The following BNC2 variants were observed in gnomAD, a reference collection of about 807,000 sequenced individuals.
BNC2 encodes the protein zinc finger protein basonuclin-2.
Under a neutral mutation model 76.3 loss-of-function variants are expected in BNC2, and 20 were observed. The ratio of observed to expected loss-of-function variants is 0.26; its 90% CI spans 0.18 to 0.38. BNC2 has a LOEUF of 0.38. BNC2 is among the 10% of genes least tolerant of loss of function. The pLI, the probability that BNC2 is intolerant of heterozygous loss-of-function variation, is 1.00. For missense variants in BNC2, 1,382 were observed against 1,399.8 expected, an observed-to-expected ratio of 0.99 and a Z score of 0.20; for synonymous variants, 582 against 514.8, an observed-to-expected ratio of 1.13 and a Z score of -1.77.
intron 3 of BNC2, among the ~76,000 whole-genome samples, chr9:16,583,991 T>C (rs7866527): frequency 0.031 from 4,669 of 152,322 alleles, 257 homozygotes; most frequent in African/African-American, 0.11. Flanking sequence ...TGTTTAAGAA[T>C]AGTGCTAAAG....
At chr9:16,854,189 A>T (rs550478537) in intron 1 of BNC2, among the ~76,000 whole-genome samples, 2 of 152,336 alleles carry the variant, frequency 1.3e-5, no homozygotes, top group South Asian at 2.1e-4. Context: ...GGAAGGAAAG[A>T]TTGAAAGGTA....
chr9:16,757,808 TAA>T (rs1166505941), intron 1 of BNC2, among the ~76,000 whole-genome samples: 1 of 152,140 alleles, frequency 6.6e-6, no homozygotes, highest in African/African-American at 2.4e-5. Flanking sequence ...TCCATTATAA[TAA>T]AGTCTTATAA....
At position 16,765,622 on chromosome 9, in the gene BNC2, C is replaced by A. The variant is rs553839089; in HGVS notation, c.4-27137G>T. ...TCCCCTCCAAAGCTAAATTTTAAAA[C>A]CAACCCCAAACTCTTTTGGTAAAAG... On this transcript the variant is annotated intron_variant, in intron 1 of 6. Transcript: ENST00000380672. Among the ~76,000 whole-genome samples the A allele has an allele frequency of 5.3e-5, 8 of 152,178 alleles. No individual in the cohort carries two copies. The South Asian group carries it at 1.7e-3, about 32-fold the overall frequency.
intron 5 of BNC2, among the ~76,000 whole-genome samples, chr9:16,488,256 C>A (rs750562229): frequency 6.6e-6 from 1 of 152,058 alleles, no homozygotes; most frequent in Admixed American, 6.6e-5. Flanking sequence ...TCTTGATATT[C>A]CAAATAACAT....
At chr9:16,666,338 G>A (rs141066353) in intron 3 of BNC2, among the ~76,000 whole-genome samples, 49 of 152,176 alleles carry the variant, frequency 3.2e-4, no homozygotes, top group African/African-American at 1.1e-3. Flanking sequence ...TGCTATGTCC[G>A]CTGCAAATGT....
chr9:16,493,904 G>T (rs1307267427), intron 5 of BNC2, among the ~76,000 whole-genome samples: 1 of 152,162 alleles, frequency 6.6e-6, no homozygotes, highest in Admixed American at 6.5e-5. Flanking sequence ...AGATGGAAAA[G>T]ATGTGGGCAT....
intron 3 of BNC2, among the ~76,000 whole-genome samples, chr9:16,695,861 A>AGAAG (rs1277126296): frequency 1.3e-5 from 1 of 79,988 alleles, no homozygotes; most frequent in Non-Finnish European, 4.3e-5. Flanking sequence ...CTCGAGCTAA[A>AGAAG]CAAGCAAATA....
At chr9:16,730,709 C>T (rs1288682062) in intron 2 of BNC2, among the ~76,000 whole-genome samples, 1 of 152,092 alleles carries the variant, frequency 6.6e-6, no homozygotes, top group Non-Finnish European at 1.5e-5. Flanking sequence ...CTGGCTGAAA[C>T]ACGTCTGCAA....
chr9:16,632,965 T>C (rs1821210286), intron 3 of BNC2, among the ~76,000 whole-genome samples: 1 of 152,066 alleles, frequency 6.6e-6, no homozygotes, highest in African/African-American at 2.4e-5. Flanking sequence ...TGAGAACTGA[T>C]CATATTAAAA....
chr9:16,581,721 C>T (rs1819634455), intron 4 of BNC2, among the ~76,000 whole-genome samples: 1 of 152,192 alleles, frequency 6.6e-6, no homozygotes, highest in Admixed American at 6.5e-5. Context: ...GAGACGAAAT[C>T]ATTGAATGTA....
intron 1 of BNC2, among the ~76,000 whole-genome samples, chr9:16,850,428 A>C (rs1819102373): frequency 6.6e-6 from 1 of 152,246 alleles, no homozygotes; most frequent in South Asian, 2.1e-4. Context: ...GGGAGGAAAG[A>C]ATCAATGTCA....
intron 5 of BNC2, among the ~76,000 whole-genome samples, chr9:16,446,693 G>C (rs896483867): frequency 1.3e-5 from 2 of 151,948 alleles, no homozygotes; most frequent in Non-Finnish European, 2.9e-5. Context: ...TCTTGATTAC[G>C]GACCAGATAA....
intron 3 of BNC2, among the ~76,000 whole-genome samples, chr9:16,650,432 C>G (rs779067708): frequency 2.6e-5 from 4 of 152,242 alleles, no homozygotes; most frequent in African/African-American, 7.2e-5. Context: ...AAAATTAAAG[C>G]CTTTTCAGTT....
chr9:16,542,817 T>G (rs1157091946), intron 5 of BNC2, among the ~76,000 whole-genome samples: 1 of 152,214 alleles, frequency 6.6e-6, no homozygotes, highest in African/African-American at 2.4e-5. Flanking sequence ...CCCATCTGTA[T>G]GAATTTAGCA....
intron 1 of BNC2, among the ~76,000 whole-genome samples, chr9:16,818,840 A>AC (rs1253904010): frequency 6.7e-6 from 1 of 150,238 alleles, no homozygotes; most frequent in Admixed American, 6.7e-5. Flanking sequence ...ATTTTTAAAA[A>AC]AAATTCATTT....
intron 1 of BNC2, among the ~76,000 whole-genome samples, chr9:16,821,729 A>G (rs1293966056): frequency 6.6e-6 from 1 of 152,018 alleles, no homozygotes; most frequent in African/African-American, 2.4e-5. Flanking sequence ...CAGATGGATC[A>G]TTTGAGGTCA....
intron 5 of BNC2, among the ~76,000 whole-genome samples, chr9:16,498,806 G>C (rs1760340419): frequency 6.6e-6 from 1 of 152,042 alleles, no homozygotes. Flanking sequence ...CTGGATTCCA[G>C]GTCCAGCTCT....
At chr9:16,486,260 G>A (rs1822162246) in intron 5 of BNC2, among the ~76,000 whole-genome samples, 1 of 152,214 alleles carries the variant, frequency 6.6e-6, no homozygotes, top group South Asian at 2.1e-4. Context: ...TGAAGTCAGA[G>A]GAAAATGAAG....
intron 3 of BNC2, among the ~76,000 whole-genome samples, chr9:16,712,511 T>G (rs561111729): frequency 6.6e-6 from 1 of 152,352 alleles, no homozygotes; most frequent in South Asian, 2.1e-4. Context: ...TTTTAACACC[T>G]TGAATTTTCA....
Sources: allele counts gnomAD v4.1 joint callset (sites outside exome capture counted in the v4.1 genomes callset), GRCh38; gene constraint gnomAD v4.1.1; transcripts MANE v1.5; gene names NCBI Gene and HGNC (gene_info 2026-07-23, HGNC 2026-07-21).